The following ZNF414 variants were observed in gnomAD, a reference collection of about 807,000 sequenced individuals.
The protein encoded by ZNF414 is zinc finger protein 414.
ZNF414 carries 32 observed loss-of-function variants against 38.3 expected under a neutral mutation model. The observed-to-expected ratio is 0.83, with a 90% CI of 0.63 to 1.12. The LOEUF (loss-of-function observed/expected upper bound fraction) is 1.12. Ranked by LOEUF, ZNF414 falls within the 50% of genes most tolerant of loss-of-function variation. ZNF414 has a pLI of 0.00. For missense variants in ZNF414, 589 were observed against 557.4 expected, an observed-to-expected ratio of 1.06 and a Z score of -0.57; for synonymous variants, 256 against 248.0, an observed-to-expected ratio of 1.03 and a Z score of -0.30.
Position 8,512,350 on chromosome 19 carries a change from C to G in ZNF414, c.530+37G>C, listed in dbSNP as rs747877541. The G allele has an allele frequency of 3.1e-6, 5 of 1,609,440 alleles. No homozygotes were observed. In the East Asian group the frequency reaches 1.1e-4, roughly 36 times the overall value. ...CCTGGAGCCCACACATAGGGTGAGG[C>G]TAGGGCAGGGCGGAGCTCAAGAGGT... On this transcript the variant is annotated intron_variant, in intron 4 of 7. Transcript: ENST00000393927.
At chr19:8,513,767 T>C (rs1971951543) in intron 1 of ZNF414, among the ~76,000 whole-genome samples, 1 of 152,224 alleles carries the variant, frequency 6.6e-6, no homozygotes, top group Admixed American at 6.5e-5. Context: ...AGACATGGAT[T>C]GTCTGAGGAC....
chr19:8,513,966 A>G, intron 1 of ZNF414, 78 bp downstream of exon 1: 1 of 1,329,872 alleles, frequency 7.5e-7, no homozygotes, highest in Non-Finnish European at 9.6e-7. Context: ...GGTCGGCCGG[A>G]GGCTGTAGGC....
At position 8,513,868 on chromosome 19, in the gene ZNF414, G is replaced by A. The variant is rs567773811; in HGVS notation, c.3+176C>T. 1.1e-4 allele frequency among the ~76,000 whole-genome samples: 16 copies of A among 152,334 alleles called. No individual in the cohort carries two copies. The South Asian group carries it at 3.1e-3, about 30-fold the overall frequency. ...TTTAGGGGCGGAGTCCTAGCCTGAC[G>A]GGCGTGGTCCATTCCGGGCCGGGCC... On this transcript the variant is annotated intron_variant, in intron 1 of 7. Coordinates refer to ENST00000393927, the MANE Select transcript of ZNF414 (RefSeq NM_001146175.2).
chr19:8,511,843 C>T lies in ZNF414; in HGVS notation c.648G>A (p.Glu216=), dbSNP rs1247489772. 1.4e-6 allele frequency: 2 copies of T among 1,401,828 alleles called. No individual in the cohort carries two copies. The highest frequency in any genetic ancestry group is 3.3e-5 in the Admixed American group (1 of 29,884). The allele number at this position is 1,401,828 out of a possible 1,614,324, so 86.8% of individuals were successfully genotyped here. The change falls in exon 5 of 8, where the codon GAG becomes GAA. Residue 216 remains glutamate (E), a synonymous_variant. Transcript: ENST00000393927. The part of the protein sequence containing the change: ...APPPPPALDR[E]PPAPERPPEV... ...CCGGGGGGCGCTCCGGCGCGGGCGG[C>T]TCTCGGTCCAGGGCCGGGGGTGGCG...
At chr19:8,513,957 G>C (rs1460770164) in intron 1 of ZNF414, 87 bp downstream of exon 1, 1 of 1,316,178 alleles carries the variant, frequency 7.6e-7, no homozygotes, top group African/African-American at 1.5e-5. Flanking sequence ...TGGGGGCGGG[G>C]TCGGCCGGAG....
At position 8,511,551 on chromosome 19, in the gene ZNF414, CG is replaced by C; in HGVS notation, c.875-16del. On this transcript the variant is annotated splice_polypyrimidine_tract_variant and intron_variant, in intron 5 of 7. Coordinates refer to ENST00000393927, the MANE Select transcript of ZNF414 (RefSeq NM_001146175.2). ...GCTGCCAGCACCTGCGGTAAAGGGG[CG>C]GGTCAAGTTCAGAGTCAGGGCGAGC... 6.3e-7 allele frequency: 1 copy of C among 1,589,262 alleles called. No homozygotes were observed. The highest frequency in any genetic ancestry group is 1.4e-5 in the African/African-American group (1 of 73,498).
chr19:8,513,634 C>G (rs1971950076), intron 1 of ZNF414, among the ~76,000 whole-genome samples: 1 of 152,162 alleles, frequency 6.6e-6, no homozygotes, highest in African/African-American at 2.4e-5. Context: ...ATCTGCTCTC[C>G]TCAACTAGGA....
intron 4 of ZNF414, 60 bp from the exon 5 acceptor site, chr19:8,512,020 C>T (rs1971924830): frequency 1.4e-6 from 2 of 1,398,426 alleles, no homozygotes; most frequent in Non-Finnish European, 1.8e-6. Context: ...GGAGAGTGTC[C>T]TGTGCAATGC....
rs1369369997 is a variant in ZNF414 at position 8,510,116 on chromosome 19, C to G, written c.*575G>C. On this transcript the variant is annotated 3_prime_UTR_variant, in exon 8 of 8. Coordinates refer to ENST00000393927, the MANE Select transcript of ZNF414 (RefSeq NM_001146175.2). ...CCATCCTGGCTAACGCGGTGAAACTCCATCTCTATTAAAAATACAAAAAAT... is the reference window on the plus strand; with the variant it reads ...CCATCCTGGCTAACGCGGTGAAACTGCATCTCTATTAAAAATACAAAAAAT... 1 of 151,318 alleles carries G rather than the reference C, an allele frequency of 6.6e-6. No homozygotes were observed. Among genetic ancestry groups the G allele is most frequent in the Admixed American group, 6.6e-5 (1 of 15,224 alleles). 9.4% of individuals were successfully genotyped at this position (151,318 alleles called of 1,614,324 possible). A position where few individuals can be genotyped will look rare whatever the true frequency, so the allele number is the denominator to read the frequency against.
Position 8,511,487 on chromosome 19 carries a change from T to C in ZNF414, c.924A>G (p.Ser308=). The C allele has an allele frequency of 6.2e-7, 1 of 1,610,428 alleles. No individual in the cohort carries two copies. Among genetic ancestry groups the C allele is most frequent in the South Asian group, 1.1e-5 (1 of 90,652 alleles). ...RRPQGGSDAP[S]GHAAPSRIVW... Reference sequence around the variant, plus strand: ...TCCCTGGTGGTCACCTGCACGCACCTGAGGGCGCGTCGGAGCCGCCCTGGG... The same window carrying C: ...TCCCTGGTGGTCACCTGCACGCACCCGAGGGCGCGTCGGAGCCGCCCTGGG... The change falls in exon 6 of 8, where the codon TCA becomes TCG. Residue 308 remains serine, a splice_region_variant and synonymous_variant. Coordinates refer to ENST00000393927, the MANE Select transcript of ZNF414 (RefSeq NM_001146175.2).
Position 8,512,615 on chromosome 19 carries a change from T to C in ZNF414, c.413A>G (p.Gln138Arg). 1 of 1,591,214 alleles carries C rather than the reference T, an allele frequency of 6.3e-7. No homozygotes were observed. Among genetic ancestry groups the C allele is most frequent in the Non-Finnish European group, 8.6e-7 (1 of 1,167,838 alleles). The change falls in exon 3 of 8, where the codon CAG (glutamine) becomes CGG (arginine). Residue 138 changes from glutamine (Q) to arginine (R), a missense_variant. Transcript: ENST00000393927. ...QHLRTHCPPT[Q>R]SLEGKLFRCS... ...AGTCCTGGCCCTACCTTCCAGGGAC[T>C]GTGTGGGCGGGCAGTGGGTTCGCAG...
At position 8,512,384 on chromosome 19, in the gene ZNF414, C is replaced by T; in HGVS notation, c.530+3G>A. ...GGCGGAGCTCAAGAGGTCAGGGTCTCACTTGAAGTAGCGATTGGGTTTGTA... is the reference window on the plus strand; with the variant it reads ...GGCGGAGCTCAAGAGGTCAGGGTCTTACTTGAAGTAGCGATTGGGTTTGTA... On this transcript the variant is annotated splice_donor_region_variant and intron_variant, in intron 4 of 7. Coordinates refer to ENST00000393927, the MANE Select transcript of ZNF414 (RefSeq NM_001146175.2). The T allele has an allele frequency of 6.2e-7, 1 of 1,614,076 alleles. No individual in the cohort carries two copies. Among genetic ancestry groups the T allele is most frequent in the Non-Finnish European group, 8.5e-7 (1 of 1,179,950 alleles).
Position 8,510,714 on chromosome 19 carries a change from G to C in ZNF414, c.1150C>G (p.Leu384Val). Reference protein sequence around the residue: ...KVSPLLSEGELPVFSQL With the variant: ...KVSPLLSEGEVPVFSQL ...ATTCAGAGCTGCGAGAACACTGGAA[G>C]CTCCCCCTCTGACAGCAGCGGCGAC... is the stretch of plus-strand genomic sequence containing the variant. Residue 384 changes from leucine (L) to valine (V), a missense_variant, in exon 8 of 8, where the codon CTT becomes GTT. By Grantham distance (32) the Leu-to-Val change is conservative. Transcript: ENST00000393927. 1 of 1,549,044 alleles carries C rather than the reference G, an allele frequency of 6.5e-7. No individual in the cohort carries two copies. The highest frequency in any genetic ancestry group is 1.2e-5 in the South Asian group (1 of 83,790).
At position 8,511,905 on chromosome 19, in the gene ZNF414, G is replaced by A; in HGVS notation, c.586C>T (p.His196Tyr). ...RTHRSLFKHL[H>Y]VCAEHAQSPA... The stretch of plus-strand genomic sequence containing the variant: ...CTCTGCGCATGCTCCGCGCAAACAT[G>A]CAGGTGCTTGAAGAGCGAGCGGTGC... The change falls in exon 5 of 8, where the codon CAT becomes TAT. Residue 196 changes from histidine (H) to tyrosine (Y), a missense_variant. Physicochemically the swap from His to Tyr is moderately conservative, Grantham distance 83. Transcript: ENST00000393927. 1 of 1,414,714 alleles carries A rather than the reference G, an allele frequency of 7.1e-7. No individual in the cohort carries two copies. The highest frequency in any genetic ancestry group is 1.5e-5 in the African/African-American group (1 of 67,472). The allele number at this position is 1,414,714 out of a possible 1,614,324, so 87.6% of individuals were successfully genotyped here. A position where few individuals can be genotyped will look rare whatever the true frequency, so the allele number is the denominator to read the frequency against.
Position 8,512,368 on chromosome 19 carries a change from C to G in ZNF414, c.530+19G>C. On this transcript the variant is annotated intron_variant, in intron 4 of 7. Transcript: ENST00000393927. Reference sequence around the variant, plus strand: ...GGTGAGGCTAGGGCAGGGCGGAGCTCAAGAGGTCAGGGTCTCACTTGAAGT... The same window carrying G: ...GGTGAGGCTAGGGCAGGGCGGAGCTGAAGAGGTCAGGGTCTCACTTGAAGT... 1 of 1,613,570 alleles carries G rather than the reference C, an allele frequency of 6.2e-7. No homozygotes were observed. Among genetic ancestry groups the G allele is most frequent in the Non-Finnish European group, 8.5e-7 (1 of 1,179,496 alleles).
rs1375712677 is a variant in ZNF414, at chr19:8,514,152, C to G, written c.-106G>C. 2 of 1,331,566 alleles carry G rather than the reference C, an allele frequency of 1.5e-6. No homozygotes were observed. Among genetic ancestry groups the G allele is most frequent in the Non-Finnish European group, 1.9e-6 (2 of 1,031,502 alleles). 82.5% of individuals were successfully genotyped at this position (1,331,566 alleles called of 1,614,324 possible). A position where few individuals can be genotyped will look rare whatever the true frequency, so the allele number is the denominator to read the frequency against. ...TTCGCGCTCACGTCAGCGCCATTTT[C>G]CACCTCTCAGCTCTCGCGAGACTGG... On this transcript the variant is annotated 5_prime_UTR_variant, in exon 1 of 8. Coordinates refer to ENST00000393927, the MANE Select transcript of ZNF414 (RefSeq NM_001146175.2).
intron 2 of ZNF414, 51 bp from the exon 3 acceptor site, chr19:8,512,762 T>C (rs1971936363): frequency 7.0e-7 from 1 of 1,432,202 alleles, no homozygotes; most frequent in Non-Finnish European, 9.3e-7. Context: ...ACTAGTGCTG[T>C]CCCTGACCCC....
chr19:8,514,003 C>T (rs1466817146), intron 1 of ZNF414, 41 bp downstream of exon 1: 4 of 1,436,074 alleles, frequency 2.8e-6, no homozygotes. Context: ...CCGCCAGTCC[C>T]CGCAGCTCCG....
chr19:8,512,684 C>T lies in ZNF414; in HGVS notation c.344G>A (p.Gly115Asp). Residue 115 changes from glycine (G) to aspartate (D), a missense_variant, in exon 3 of 8, where the codon GGC (glycine) becomes GAC (aspartate). Gly to Asp is a moderately conservative substitution (Grantham distance 94). Transcript: ENST00000393927. Reference sequence around the variant, plus strand: ...GACGCTGGGAAAACTGAGGCAGCAGCCAGGGCTGGAGCAAGGGATTTGCTT... The same window carrying T: ...GACGCTGGGAAAACTGAGGCAGCAGTCAGGGCTGGAGCAAGGGATTTGCTT... ...PGKQIPCSSP[G>D]CCLSFPSVRD... The T allele has an allele frequency of 6.4e-7, 1 of 1,568,468 alleles. No homozygotes were observed. Among genetic ancestry groups the T allele is most frequent in the Non-Finnish European group, 8.6e-7 (1 of 1,158,186 alleles).
Sources: allele counts gnomAD v4.1 joint callset (sites outside exome capture counted in the v4.1 genomes callset), GRCh38; gene constraint gnomAD v4.1.1; transcripts MANE v1.5; gene names NCBI Gene and HGNC (gene_info 2026-07-23, HGNC 2026-07-21).